The following MYO10 variants were observed in gnomAD, a reference collection of about 807,000 sequenced individuals.
MYO10 encodes myosin X, also known as unconventional myosin-X.
A neutral mutation model predicts 257.3 loss-of-function variants in MYO10; 133 were observed. The ratio of observed to expected loss-of-function variants is 0.52; its 90% CI spans 0.45 to 0.60. The LOEUF (loss-of-function observed/expected upper bound fraction) is 0.60. Among genes scored for constraint, MYO10 ranks in the 20% least tolerant of loss-of-function variants. The probability of loss-of-function intolerance (pLI) is 0.00; values close to 1 mark genes in which losing one functional copy is unlikely to be tolerated. For missense variants in MYO10, 2,399 were observed against 2,635.7 expected, an observed-to-expected ratio of 0.91 and a Z score of 1.97; for synonymous variants, 1,104 against 1,028.6, an observed-to-expected ratio of 1.07 and a Z score of -1.40.
intron 19 of MYO10, among the ~76,000 whole-genome samples, chr5:16,729,534 T>C (rs1043159520): frequency 1.3e-5 from 2 of 150,980 alleles, no homozygotes; most frequent in Non-Finnish European, 3.0e-5. Flanking sequence ...TCACTGCAAG[T>C]TCTGCCTCCC....
At chr5:16,813,567 CCAA>C (rs1453778211) in intron 3 of MYO10, among the ~76,000 whole-genome samples, 121 of 147,122 alleles carry the variant, frequency 8.2e-4, no homozygotes, top group Non-Finnish European at 1.4e-3. Flanking sequence ...AAAAAAAAAA[CCAA>C]CAACAACAAA....
rs1745407691 is a variant in MYO10 at position 16,902,448 on chromosome 5, G to C, written c.22-24741C>G. 7 of 1,274,876 alleles carry C rather than the reference G, an allele frequency of 5.5e-6. No homozygotes were observed. The South Asian group carries it at 8.3e-5, about 15-fold the overall frequency. 79.0% of individuals were successfully genotyped at this position (1,274,876 alleles called of 1,614,324 possible). ...GTAATGTAACTTCACATACAGCTTGGGAAGCACATAGGCATCGAAGACGCT... is the reference window on the plus strand; with the variant it reads ...GTAATGTAACTTCACATACAGCTTGCGAAGCACATAGGCATCGAAGACGCT... On this transcript the variant is annotated intron_variant, in intron 1 of 40. Coordinates refer to ENST00000513610, the MANE Select transcript of MYO10 (RefSeq NM_012334.3).
intron 34 of MYO10, 109 bp downstream of exon 34, chr5:16,675,922 A>AT: frequency 7.6e-7 from 1 of 1,316,852 alleles, no homozygotes; most frequent in South Asian, 1.5e-5. Flanking sequence ...TTCACGACGA[A>AT]TAAGAGAGTC....
At chr5:16,842,141 G>A (rs1743501528) in intron 2 of MYO10, among the ~76,000 whole-genome samples, 2 of 152,120 alleles carry the variant, frequency 1.3e-5, no homozygotes, top group African/African-American at 4.8e-5. Flanking sequence ...ATATGTATAA[G>A]CACATTTAGA....
chr5:16,747,564 C>T (rs913257481), intron 19 of MYO10, among the ~76,000 whole-genome samples: 1 of 152,170 alleles, frequency 6.6e-6, no homozygotes, highest in Non-Finnish European at 1.5e-5. Flanking sequence ...CACAAACTAG[C>T]ATTAGGGCAA....
chr5:16,873,280 C>A (rs1744499175), intron 2 of MYO10, among the ~76,000 whole-genome samples: 1 of 152,210 alleles, frequency 6.6e-6, no homozygotes, highest in Non-Finnish European at 1.5e-5. Context: ...TTTTAAAGCT[C>A]CACAATTATC....
intron 2 of MYO10, among the ~76,000 whole-genome samples, chr5:16,819,479 T>G (rs776840762): frequency 5.3e-5 from 8 of 152,232 alleles, no homozygotes; most frequent in Non-Finnish European, 1.2e-4. Flanking sequence ...ACTCTGTATT[T>G]ACTCATTTAC....
At chr5:16,878,652 A>G (rs1447455886) in intron 1 of MYO10, among the ~76,000 whole-genome samples, 1 of 152,210 alleles carries the variant, frequency 6.6e-6, no homozygotes, top group Non-Finnish European at 1.5e-5. Flanking sequence ...CTACTCAGCC[A>G]TAAAAAGGAA....
intron 19 of MYO10, among the ~76,000 whole-genome samples, chr5:16,754,221 T>A (rs1395916424): frequency 6.6e-6 from 1 of 152,192 alleles, no homozygotes; most frequent in Non-Finnish European, 1.5e-5. Flanking sequence ...TATCTAACAC[T>A]ATAGTTTCTT....
chr5:16,846,242 G>A (rs1443029792), intron 2 of MYO10, among the ~76,000 whole-genome samples: 3 of 152,138 alleles, frequency 2.0e-5, no homozygotes. Context: ...TAACACTACC[G>A]TCTCTAAGTA....
intron 1 of MYO10, among the ~76,000 whole-genome samples, chr5:16,918,498 TTC>T (rs1745887517): frequency 1.4e-5 from 1 of 73,766 alleles, no homozygotes; most frequent in Non-Finnish European, 2.7e-5. Flanking sequence ...TATTTTTCTT[TTC>T]TTTTTTTTTT....
At chr5:16,862,815 C>T (rs983482801) in intron 2 of MYO10, among the ~76,000 whole-genome samples, 2 of 152,132 alleles carry the variant, frequency 1.3e-5, no homozygotes, top group Admixed American at 6.5e-5. Flanking sequence ...CCACAGGGGT[C>T]AATAGCACCA....
intron 19 of MYO10, chr5:16,738,219 C>T (rs1305984451): frequency 4.1e-6 from 4 of 985,098 alleles, no homozygotes; most frequent in East Asian, 1.1e-4. Flanking sequence ...CGAGGCCATG[C>T]CTACCTCCAG....
intron 2 of MYO10, among the ~76,000 whole-genome samples, 183 bp from the exon 3 acceptor site, chr5:16,818,350 GTGTGTGTATGTA>G (rs1194248303): frequency 7.1e-6 from 1 of 141,364 alleles, no homozygotes; most frequent in Non-Finnish European, 1.5e-5. Flanking sequence ...CTCTCTCTCT[GTGTGTGTATGTA>G]TGTGTGTGTG....
intron 4 of MYO10, among the ~76,000 whole-genome samples, chr5:16,788,389 C>T (rs1023519697): frequency 6.6e-6 from 1 of 152,132 alleles, no homozygotes; most frequent in African/African-American, 2.4e-5. Context: ...AAACTGGATG[C>T]TTATGACTGG....
chr5:16,717,853 T>C (rs1385365146), intron 19 of MYO10, among the ~76,000 whole-genome samples: 3 of 152,190 alleles, frequency 2.0e-5, no homozygotes, highest in Non-Finnish European at 2.9e-5. Flanking sequence ...TTTGGTGGCA[T>C]TTGAGGAGCC....
At position 16,694,353 on chromosome 5, in the gene MYO10, C is replaced by G. The variant is rs1304860613; in HGVS notation, c.3800+18G>C. Reference sequence around the variant, plus strand: ...CCATGAGCAACCCATCGGGCCACAGCCAGGCTTAGCAACCTACTTTGCCGT... The same window carrying G: ...CCATGAGCAACCCATCGGGCCACAGGCAGGCTTAGCAACCTACTTTGCCGT... On this transcript the variant is annotated intron_variant, in intron 27 of 40. Coordinates refer to ENST00000513610, the MANE Select transcript of MYO10 (RefSeq NM_012334.3). The G allele has an allele frequency of 3.1e-6, 5 of 1,613,552 alleles. No individual in the cohort carries two copies. The African/African-American group carries it at 4.0e-5, about 13-fold the overall frequency.
chr5:16,785,591 C>T (rs541077082), intron 4 of MYO10, among the ~76,000 whole-genome samples: 20 of 152,298 alleles, frequency 1.3e-4, no homozygotes, highest in Middle Eastern at 3.4e-3. Flanking sequence ...AGGCAGAGGC[C>T]GGGCACTGTG....
chr5:16,851,100 G>A (rs993572344), intron 2 of MYO10, among the ~76,000 whole-genome samples: 1 of 152,048 alleles, frequency 6.6e-6, no homozygotes, highest in Non-Finnish European at 1.5e-5. Context: ...CACCACACCT[G>A]GCTTCAAATG....
Sources: allele counts gnomAD v4.1 joint callset (sites outside exome capture counted in the v4.1 genomes callset), GRCh38; gene constraint gnomAD v4.1.1; transcripts MANE v1.5; gene names NCBI Gene and HGNC (gene_info 2026-07-23, HGNC 2026-07-21).